The following ECPAS variants were observed in gnomAD, a reference collection of about 807,000 sequenced individuals.
ECPAS encodes proteasome adapter and scaffold protein ECM29.
In ECPAS, 70 loss-of-function variants were observed where a neutral mutation model predicts 255.1. The ratio of observed to expected loss-of-function variants is 0.27; its 90% CI spans 0.23 to 0.33. The LOEUF is 0.33. Among genes scored for constraint, ECPAS ranks in the 10% least tolerant of loss-of-function variants. ECPAS has a pLI of 1.00. For synonymous variants in ECPAS, 784 were observed against 775.0 expected, an observed-to-expected ratio of 1.01 and a Z score of -0.19; for missense variants, 1,817 against 2,206.4, an observed-to-expected ratio of 0.82 and a Z score of 3.54.
At chr9:111,468,633 G>C (rs1018399125) in intron 2 of ECPAS, among the ~76,000 whole-genome samples, 1 of 136,812 alleles carries the variant, frequency 7.3e-6, no homozygotes, top group Non-Finnish European at 1.5e-5. Context: ...GTGAGTGAGA[G>C]AGAGAGAGAG....
chr9:111,369,054 C>T lies in ECPAS; in HGVS notation c.5094G>A (p.Pro1698=), dbSNP rs376106503. The T allele has an allele frequency of 3.0e-5, 48 of 1,589,426 alleles. No homozygotes were observed. Among genetic ancestry groups the T allele is most frequent in the African/African-American group, 1.9e-4 (14 of 72,998 alleles). The change falls in exon 46 of 50, where the codon CCG becomes CCA. Residue 1698 remains proline (P), a synonymous_variant. Transcript: ENST00000684092. ...GCTTACGTTGGGTCTCCGCGTTTCG[C>T]GGCCAGGCTTTGCCCAGGCTTTCAA... ...GAFESLGKAW[P]RNAETQRCYR...
At chr9:111,380,248 C>T (rs1009511157) in intron 35 of ECPAS, among the ~76,000 whole-genome samples, 1 of 152,200 alleles carries the variant, frequency 6.6e-6, no homozygotes, top group African/African-American at 2.4e-5. Context: ...TCTATCAGAG[C>T]TTTTGGGTGA....
intron 16 of ECPAS, among the ~76,000 whole-genome samples, chr9:111,418,612 A>G (rs1026388965): frequency 6.6e-6 from 1 of 152,262 alleles, no homozygotes; most frequent in African/African-American, 2.4e-5. Flanking sequence ...GAATTAATAA[A>G]TAATTCCTTA....
intron 1 of ECPAS, among the ~76,000 whole-genome samples, chr9:111,479,601 G>A (rs4978440): frequency 0.082 from 12,409 of 151,084 alleles, 586 homozygotes; most frequent in East Asian, 0.21. Flanking sequence ...TCCAGAAAAA[G>A]ACAACAAAAA....
At chr9:111,427,303 G>A (rs1197762921) in intron 10 of ECPAS, among the ~76,000 whole-genome samples, 1 of 152,206 alleles carries the variant, frequency 6.6e-6, no homozygotes, top group Admixed American at 6.5e-5. Flanking sequence ...GCATAGAGAA[G>A]TGAAGACATT....
rs561683429 is a variant in ECPAS at position 111,410,570 on chromosome 9, G to A, written c.2378-357C>T. 2.0e-5 allele frequency among the ~76,000 whole-genome samples: 3 copies of A among 152,270 alleles called. No individual in the cohort carries two copies. The East Asian group carries it at 5.8e-4, about 29-fold the overall frequency. On this transcript the variant is annotated intron_variant, in intron 22 of 49. Coordinates refer to ENST00000684092, the MANE Select transcript of ECPAS (RefSeq NM_001364929.1). ...CGAGCTCTGTCACCCAGGCGGGAGT[G>A]CAGTGGCATGATCACAGCTCACCGC...
intron 15 of ECPAS, 30 bp from the exon 16 acceptor site, chr9:111,420,150 C>A: frequency 2.0e-6 from 3 of 1,465,540 alleles, no homozygotes; most frequent in East Asian, 2.3e-5. Flanking sequence ...ACACAGACCA[C>A]CCCGATCCGA....
At chr9:111,366,079 A>C in intron 48 of ECPAS, 160 bp downstream of exon 48, 1 of 553,172 alleles carries the variant, frequency 1.8e-6, no homozygotes, top group Non-Finnish European at 3.2e-6. Context: ...TCCAGATTTA[A>C]ATATTCCAGT....
At chr9:111,441,219 T>C (rs1050420617) in intron 5 of ECPAS, among the ~76,000 whole-genome samples, 1 of 150,878 alleles carries the variant, frequency 6.6e-6, no homozygotes, top group East Asian at 1.9e-4. Context: ...AAGAATTATT[T>C]TCGGTCAGGC....
rs974300383 is a variant in ECPAS at position 111,366,481 on chromosome 9, G to A, written c.5219+41C>T. The A allele has an allele frequency of 3.5e-5, 51 of 1,463,644 alleles. No individual in the cohort carries two copies. In the East Asian group the frequency reaches 1.1e-3, roughly 31 times the overall value. The allele number at this position is 1,463,644 out of a possible 1,614,324, so 90.7% of individuals were successfully genotyped here. On this transcript the variant is annotated intron_variant, in intron 47 of 49. Coordinates refer to ENST00000684092, the MANE Select transcript of ECPAS (RefSeq NM_001364929.1). ...CATTGATTATACATAAAATGCTGCG[G>A]GGAGGAACAAAATAAAAAACTGAGC...
At chr9:111,380,004 T>G (rs981589392) in intron 35 of ECPAS, among the ~76,000 whole-genome samples, 5 of 152,238 alleles carry the variant, frequency 3.3e-5, no homozygotes, top group Admixed American at 6.5e-5. Flanking sequence ...CCTCCTCCCA[T>G]GAATCATGAA....
intron 31 of ECPAS, among the ~76,000 whole-genome samples, chr9:111,388,410 A>G (rs2098153852): frequency 6.7e-6 from 1 of 149,762 alleles, no homozygotes; most frequent in Non-Finnish European, 1.5e-5. Context: ...AGCAAAACTC[A>G]TTGAGTCTTC....
intron 2 of ECPAS, among the ~76,000 whole-genome samples, chr9:111,468,805 A>G (rs1282754345): frequency 6.6e-6 from 1 of 151,912 alleles, no homozygotes; most frequent in Non-Finnish European, 1.5e-5. Flanking sequence ...TGGAAATATC[A>G]GGCTGGAAGG....
chr9:111,422,651 A>G (rs933653073), intron 13 of ECPAS, among the ~76,000 whole-genome samples: 2 of 152,200 alleles, frequency 1.3e-5, no homozygotes, highest in African/African-American at 4.8e-5. Context: ...ACACAGGCCA[A>G]CACAAAACCT....
chr9:111,366,704 C>G (rs2098120760), intron 46 of ECPAS, 77 bp from the exon 47 acceptor site: 2 of 877,840 alleles, frequency 2.3e-6, no homozygotes, highest in African/African-American at 1.7e-5. Flanking sequence ...GAGGGACAGG[C>G]AGAGAGAGCA....
In ECPAS at chr9:111,415,906, A is replaced by G. The variant is rs183554929; in HGVS notation, c.1764+366T>C. Among the ~76,000 whole-genome samples, 364 of 152,246 alleles carry G rather than the reference A, an allele frequency of 2.4e-3. 3 individuals carry two copies. The highest frequency in any genetic ancestry group is 4.0e-3 in the Non-Finnish European group (273 of 68,012). On this transcript the variant is annotated intron_variant, in intron 18 of 49. Coordinates refer to ENST00000684092, the MANE Select transcript of ECPAS (RefSeq NM_001364929.1). ...AATCTAAAAAACAGAATTTCCCTTA[A>G]TAAGTGTGATCAATTTAATCCTCTC...
rs1319916579 is a variant in ECPAS at position 111,430,540 on chromosome 9, A to C, written c.930+7T>G. The stretch of plus-strand genomic sequence containing the variant: ...CGCTGATGTGAGAATAAATCAAAAC[A>C]ACCTACCTCTTTTGTCTTCAGTGGT... On this transcript the variant is annotated splice_region_variant and intron_variant, in intron 9 of 49. Coordinates refer to ENST00000684092, the MANE Select transcript of ECPAS (RefSeq NM_001364929.1). 6.4e-7 allele frequency: 1 copy of C among 1,551,014 alleles called. No homozygotes were observed. Among genetic ancestry groups the C allele is most frequent in the Non-Finnish European group, 8.9e-7 (1 of 1,129,806 alleles).
In ECPAS at chr9:111,444,482, G is replaced by A. The variant is rs1423499285; in HGVS notation, c.166C>T (p.Leu56=). 6.2e-7 allele frequency: 1 copy of A among 1,610,244 alleles called. No individual in the cohort carries two copies. Among genetic ancestry groups the A allele is most frequent in the Non-Finnish European group, 8.5e-7 (1 of 1,176,742 alleles). The change falls in exon 4 of 50, where the codon CTG becomes TTG. Residue 56 remains leucine (L), a synonymous_variant. Transcript: ENST00000684092. ...TTTATACGTTTATTCAGATGGACCA[G>A]CAGTTCCATTACCTAAAATACAGAG... ...EGVRKKVMEL[L]VHLNKRIKSR... is the part of the protein sequence containing the mutation.
intron 1 of ECPAS, among the ~76,000 whole-genome samples, chr9:111,477,364 G>A (rs1006871049): frequency 3.3e-5 from 5 of 151,344 alleles, no homozygotes; most frequent in African/African-American, 9.7e-5. Flanking sequence ...CCCCAGCCTC[G>A]GCCTCCCAGA....
Sources: allele counts gnomAD v4.1 joint callset (sites outside exome capture counted in the v4.1 genomes callset), GRCh38; gene constraint gnomAD v4.1.1; transcripts MANE v1.5; gene names NCBI Gene and HGNC (gene_info 2026-07-23, HGNC 2026-07-21).